The following LAMA3 variants were observed in gnomAD, a reference collection of about 807,000 sequenced individuals.
LAMA3 encodes laminin subunit alpha 3, also known as laminin subunit alpha-3.
LAMA3 carries 281 observed loss-of-function variants against 402.0 expected under a neutral mutation model. That is an observed-to-expected ratio of 0.70 (90% CI 0.63 to 0.77). LAMA3 has a LOEUF of 0.77. Ranked by LOEUF, LAMA3 falls within the 30% of genes least tolerant of loss-of-function variation. LAMA3 has a pLI of 0.00. For missense variants in LAMA3, 3,840 were observed against 4,215.5 expected (o/e 0.91, Z 2.47); for synonymous variants, 1,431 against 1,558.4 (o/e 0.92, Z 1.93).
intron 58 of LAMA3, 147 bp downstream of exon 58, chr18:23,915,007 T>G (rs1334930807): frequency 1.3e-6 from 1 of 748,716 alleles, no homozygotes. Context: ...AGCTAACACT[T>G]ATTGAGTGCT....
chr18:23,909,398 T>G, intron 55 of LAMA3, 103 bp downstream of exon 55: 2 of 1,117,590 alleles, frequency 1.8e-6, no homozygotes, highest in Non-Finnish European at 2.7e-6. Flanking sequence ...GAATTGGTTG[T>G]CTTTCTTTCC....
At chr18:23,871,688 T>C (rs1041078430) in intron 38 of LAMA3, 27 bp downstream of exon 38, 2 of 1,556,638 alleles carry the variant, frequency 1.3e-6, no homozygotes, top group Non-Finnish European at 8.7e-7. Flanking sequence ...TCCGCAACAT[T>C]TCCCTAGGGA....
chr18:23,923,742 G>A (rs775510247), intron 62 of LAMA3, among the ~76,000 whole-genome samples: 1 of 152,176 alleles, frequency 6.6e-6, no homozygotes, highest in Non-Finnish European at 1.5e-5. Context: ...CTTACCCAGA[G>A]CCAGGAGGAA....
At chr18:23,748,421 A>G (rs1021852447) in intron 3 of LAMA3, among the ~76,000 whole-genome samples, 2 of 108,376 alleles carry the variant, frequency 1.8e-5, no homozygotes, top group African/African-American at 8.4e-5. Flanking sequence ...ACTCTGTCTC[A>G]AAAAAAAAAA....
intron 1 of LAMA3, among the ~76,000 whole-genome samples, chr18:23,701,936 A>G (rs2060797663): frequency 6.6e-6 from 1 of 152,186 alleles, no homozygotes; most frequent in Non-Finnish European, 1.5e-5. Context: ...GAGTGGGGGA[A>G]AAGTGCGAGG....
chr18:23,924,257 T>G (rs1299130839), intron 62 of LAMA3, among the ~76,000 whole-genome samples: 1 of 152,214 alleles, frequency 6.6e-6, no homozygotes, highest in Non-Finnish European at 1.5e-5. Context: ...GCTCAAGTGA[T>G]TCTCCTACCT....
Position 23,822,099 on chromosome 18 carries a change from G to A in LAMA3, c.2305-153G>A, listed in dbSNP as rs117438177. On this transcript the variant is annotated intron_variant, in intron 19 of 74. Coordinates refer to ENST00000313654, the MANE Select transcript of LAMA3 (RefSeq NM_198129.4). The stretch of plus-strand genomic sequence containing the variant: ...TATTTCCATCTTTCACAAGTTACTC[G>A]GTGCTCGTTGACTGAGTGTGAGTGT... Among the ~76,000 whole-genome samples, 184 of 152,244 alleles carry A rather than the reference G, an allele frequency of 1.2e-3. 1 individual carries two copies. The East Asian group carries it at 0.031, about 26-fold the overall frequency.
intron 2 of LAMA3, among the ~76,000 whole-genome samples, chr18:23,742,725 G>A (rs2061584585): frequency 6.6e-6 from 1 of 152,052 alleles, no homozygotes; most frequent in Non-Finnish European, 1.5e-5. Flanking sequence ...GTGAATCTAG[G>A]TGAAAAGCAT....
intron 74 of LAMA3, among the ~76,000 whole-genome samples, 155 bp downstream of exon 74, chr18:23,953,264 C>T (rs1816638217): frequency 6.6e-6 from 1 of 151,298 alleles, no homozygotes; most frequent in South Asian, 2.1e-4. Context: ...GAAAGGAGCA[C>T]TTGTCAGGTC....
At chr18:23,792,801 G>C (rs1395840534) in intron 12 of LAMA3, among the ~76,000 whole-genome samples, 1 of 152,176 alleles carries the variant, frequency 6.6e-6, no homozygotes, top group African/African-American at 2.4e-5. Flanking sequence ...CAAATATGGG[G>C]GAATCCAGGT....
chr18:23,758,542 G>T, intron 7 of LAMA3, 31 bp downstream of exon 7: 1 of 1,408,130 alleles, frequency 7.1e-7, no homozygotes, highest in Non-Finnish European at 9.4e-7. Context: ...GGGGCCACAC[G>T]TGGCCTTCTC....
chr18:23,708,744 C>A (rs1214051397), intron 1 of LAMA3, among the ~76,000 whole-genome samples: 1 of 151,814 alleles, frequency 6.6e-6, no homozygotes, highest in African/African-American at 2.4e-5. Context: ...TCTTTATTTT[C>A]TTTTTTTATT....
Position 23,689,789 on chromosome 18 carries a change from G to T in LAMA3, c.106G>T (p.Ala36Ser). 1.3e-6 allele frequency: 2 copies of T among 1,533,216 alleles called. No homozygotes were observed. Among genetic ancestry groups the T allele is most frequent in the Non-Finnish European group, 8.8e-7 (1 of 1,140,870 alleles). 95.0% of individuals were successfully genotyped at this position (1,533,216 alleles called of 1,614,324 possible). A position where few individuals can be genotyped will look rare whatever the true frequency, so the allele number is the denominator to read the frequency against. The stretch of plus-strand genomic sequence containing the variant: ...GGTGCTGCCAGCCTGCGGGGCGACC[G>T]CTCGGGATCCCGGGGCCGCGGCCGG... ...LRVLPACGAT[A>S]RDPGAAAGLS... Residue 36 changes from alanine to serine, a missense_variant, in exon 1 of 75, where the codon GCT becomes TCT. By Grantham distance (99) the Ala-to-Ser change is moderately conservative. This residue lies in a region of LAMA3 where 2,109 missense variants were observed against 2,376.0 expected (regional missense o/e 0.89). Coordinates refer to ENST00000313654, the MANE Select transcript of LAMA3 (RefSeq NM_198129.4).
intron 47 of LAMA3, 88 bp downstream of exon 47, chr18:23,899,543 T>C: frequency 4.6e-6 from 6 of 1,307,286 alleles, no homozygotes; most frequent in Non-Finnish European, 6.5e-6. Context: ...TTCCCCGTTA[T>C]AGGTGGAAGG....
At chr18:23,733,982 C>T (rs546025424) in intron 2 of LAMA3, among the ~76,000 whole-genome samples, 2 of 152,364 alleles carry the variant, frequency 1.3e-5, no homozygotes, top group African/African-American at 4.8e-5. Flanking sequence ...CTAATGTACA[C>T]TGAAGTTTCA....
At chr18:23,788,830 T>C (rs982573749) in intron 12 of LAMA3, among the ~76,000 whole-genome samples, 4 of 151,716 alleles carry the variant, frequency 2.6e-5, no homozygotes, top group African/African-American at 7.3e-5. Context: ...AGTGAAAAGA[T>C]AAATCATAGA....
chr18:23,717,408 G>T (rs1357613395), intron 2 of LAMA3, among the ~76,000 whole-genome samples: 1 of 152,112 alleles, frequency 6.6e-6, no homozygotes, highest in African/African-American at 2.4e-5. Flanking sequence ...ATTTGATTTT[G>T]ATGTGCTGTT....
chr18:23,719,325 CTCTA>C (rs1157982616), intron 2 of LAMA3, among the ~76,000 whole-genome samples: 1 of 152,110 alleles, frequency 6.6e-6, no homozygotes, highest in Non-Finnish European at 1.5e-5. Context: ...GAGACCCCAT[CTCTA>C]AATAAATAAA....
At chr18:23,929,290 A>G (rs1485251444) in intron 64 of LAMA3, among the ~76,000 whole-genome samples, 5 of 152,242 alleles carry the variant, frequency 3.3e-5, no homozygotes, top group Non-Finnish European at 2.9e-5. Flanking sequence ...CTCTTCCACA[A>G]GGAGATACCA....
Sources: gnomAD v4.1 joint callset for allele counts (sites outside exome capture counted in the v4.1 genomes callset) on GRCh38, gnomAD v4.1.1 for gene constraint, gnomAD v4.1.1 regional missense constraint, MANE v1.5 for transcripts, NCBI Gene and HGNC (gene_info 2026-07-23, HGNC 2026-07-21) for gene names.